STK32B: variants seen among roughly 807,000 people sequenced by gnomAD.
STK32B encodes serine/threonine-protein kinase 32B.
A neutral mutation model predicts 52.6 loss-of-function variants in STK32B; 43 were observed. The ratio of observed to expected loss-of-function variants is 0.82; its 90% confidence interval spans 0.64 to 1.05. The LOEUF (loss-of-function observed/expected upper bound fraction) is 1.05, where lower values mean the gene tolerates loss of function less well. Among genes scored for constraint, STK32B ranks in the 50% least tolerant of loss-of-function variants. STK32B has a pLI of 0.00. For synonymous variants in STK32B, 238 were observed against 204.3 expected, an observed-to-expected ratio of 1.17 and a Z score of -1.41; for missense variants, 621 against 534.6, an observed-to-expected ratio of 1.16 and a Z score of -1.59.
chr4:5,446,245 A>G (rs952328550), intron 6 of STK32B, among the ~76,000 whole-genome samples: 2 of 152,230 alleles, frequency 1.3e-5, no homozygotes, highest in Admixed American at 6.5e-5. Flanking sequence ...GCATAGTGAA[A>G]AAAGTACAGG....
At chr4:5,318,102 C>CGTGTGT (rs144974089) in intron 3 of STK32B, among the ~76,000 whole-genome samples, 3,688 of 150,852 alleles carry the variant, frequency 0.024, 127 homozygotes, top group African/African-American at 0.083. Context: ...TGCTTGTGCA[C>CGTGTGT]GTGTGTGTGT....
chr4:5,232,921 C>T (rs369209071), intron 3 of STK32B, among the ~76,000 whole-genome samples: 21 of 152,240 alleles, frequency 1.4e-4, no homozygotes, highest in African/African-American at 4.6e-4. Context: ...TATTCCCTAG[C>T]TCCTTGCATC....
chr4:5,028,948 C>T, the STK32B span, among the ~76,000 whole-genome samples: 151 of 152,322 alleles, frequency 9.9e-4, 2 homozygotes, highest in African/African-American at 3.5e-3. Context: ...AAGGGGAGCA[C>T]ATCGCATGGC....
At chr4:5,259,364 A>G (rs1726551736) in intron 3 of STK32B, among the ~76,000 whole-genome samples, 1 of 152,214 alleles carries the variant, frequency 6.6e-6, no homozygotes, top group Admixed American at 6.5e-5. Context: ...CACTTGGTGG[A>G]TATTCACAGA....
intron 1 of STK32B, among the ~76,000 whole-genome samples, chr4:5,121,551 C>A (rs1269646837): frequency 2.0e-5 from 3 of 152,130 alleles, no homozygotes; most frequent in Non-Finnish European, 4.4e-5. Context: ...GACCTATCAG[C>A]AGTAATCACA....
chr4:5,064,759 A>C (rs1742349158), intron 1 of STK32B, among the ~76,000 whole-genome samples: 1 of 112,048 alleles, frequency 8.9e-6, no homozygotes, highest in Non-Finnish European at 1.7e-5. Flanking sequence ...ATAATATATA[A>C]ATATATACTT....
intron 1 of STK32B, among the ~76,000 whole-genome samples, chr4:5,131,074 G>T (rs1479682826): frequency 6.6e-6 from 1 of 152,112 alleles, no homozygotes; most frequent in East Asian, 1.9e-4. Flanking sequence ...CCTCTGCTAG[G>T]CAGAGGATCC....
intron 3 of STK32B, among the ~76,000 whole-genome samples, chr4:5,241,883 A>T (rs1470352555): frequency 6.6e-6 from 1 of 152,148 alleles, no homozygotes; most frequent in Non-Finnish European, 1.5e-5. Flanking sequence ...AGCTTCATCC[A>T]TGTCCCTACA....
At chr4:5,264,524 C>T (rs534359398) in intron 3 of STK32B, among the ~76,000 whole-genome samples, 37 of 152,156 alleles carry the variant, frequency 2.4e-4, no homozygotes, top group Non-Finnish European at 4.9e-4. Flanking sequence ...CGGTGGCTCA[C>T]GCCTGTAATC....
chr4:5,165,971 GC>G (rs1718839327), intron 2 of STK32B, among the ~76,000 whole-genome samples: 1 of 152,208 alleles, frequency 6.6e-6, no homozygotes, highest in Non-Finnish European at 1.5e-5. Flanking sequence ...CCCCAGTGGT[GC>G]CGGGTGGGTT....
chr4:5,106,218 C>A (rs1296808437), intron 1 of STK32B, among the ~76,000 whole-genome samples: 1 of 152,090 alleles, frequency 6.6e-6, no homozygotes, highest in South Asian at 2.1e-4. Context: ...AGGAGAATCA[C>A]TTGAACCTGG....
At chr4:5,140,331 A>T (rs1716342547) in intron 2 of STK32B, 4 of 1,255,620 alleles carry the variant, frequency 3.2e-6, no homozygotes, top group Non-Finnish European at 4.1e-6. Flanking sequence ...GTGATCTTTG[A>T]CTATTTTTTT....
At chr4:5,244,940 C>T (rs1201071686) in intron 3 of STK32B, among the ~76,000 whole-genome samples, 1 of 152,242 alleles carries the variant, frequency 6.6e-6, no homozygotes, top group Non-Finnish European at 1.5e-5. Context: ...TGGTCTGAGA[C>T]ACAGTTTGTT....
chr4:5,249,396 G>C (rs1173578307), intron 3 of STK32B, among the ~76,000 whole-genome samples: 2 of 151,968 alleles, frequency 1.3e-5, no homozygotes, highest in Non-Finnish European at 2.9e-5. Context: ...TATGACAAGG[G>C]ATCTGATGTC....
upstream of STK32B, among the ~76,000 whole-genome samples, chr4:5,048,824 A>C (rs1396341995): frequency 6.6e-6 from 1 of 152,214 alleles, no homozygotes; most frequent in East Asian, 1.9e-4. Context: ...GGGGATGGTG[A>C]CACACCTACC....
chr4:5,475,424 C>CAAA (rs34219344), intron 11 of STK32B, among the ~76,000 whole-genome samples: 14 of 56,930 alleles, frequency 2.5e-4, no homozygotes, highest in African/African-American at 3.9e-4. Flanking sequence ...GACTCCATCT[C>CAAA]AAAAAAAAAA....
In STK32B at chr4:5,068,876, T is replaced by G. The variant is rs555253425; in HGVS notation, c.52+16961T>G. On this transcript the variant is annotated intron_variant, in intron 1 of 11. Coordinates refer to ENST00000282908, the MANE Select transcript of STK32B (RefSeq NM_018401.3). ...TAGTGAGATGTTTTTCATTAACGTATTCATTATTTGCATAGTTACCTTTTG... is the reference window on the plus strand; with the variant it reads ...TAGTGAGATGTTTTTCATTAACGTAGTCATTATTTGCATAGTTACCTTTTG... Among the ~76,000 whole-genome samples, 10 of 152,330 alleles carry G rather than the reference T, an allele frequency of 6.6e-5. 1 individual carries two copies. The South Asian group carries it at 1.5e-3, about 22-fold the overall frequency.
intron 4 of STK32B, chr4:5,345,223 C>A (rs868417634): frequency 6.6e-6 from 1 of 151,016 alleles, no homozygotes; most frequent in South Asian, 2.1e-4. Context: ...TGGGTTTAAG[C>A]CCAGATATTA....
In STK32B at chr4:5,238,764, C is replaced by T. The variant is rs771433314; in HGVS notation, c.260+70314C>T. ...TCATTCATTCATTCCTTCACTCACTCACTCACTCAACAATTGTGTTCTCAG... is the reference window on the plus strand; with the variant it reads ...TCATTCATTCATTCCTTCACTCACTTACTCACTCAACAATTGTGTTCTCAG... On this transcript the variant is annotated intron_variant, in intron 3 of 11. Coordinates refer to ENST00000282908, the MANE Select transcript of STK32B (RefSeq NM_018401.3). Among the ~76,000 whole-genome samples, 4 of 152,194 alleles carry T rather than the reference C, an allele frequency of 2.6e-5. No individual in the cohort carries two copies. In the South Asian group the frequency reaches 8.3e-4, roughly 31 times the overall value.
Sources: allele counts gnomAD v4.1 joint callset (sites outside exome capture counted in the v4.1 genomes callset), GRCh38; gene constraint gnomAD v4.1.1; transcripts MANE v1.5; gene names NCBI Gene and HGNC (gene_info 2026-07-23, HGNC 2026-07-21).